Variants in JMJD1C observed in about 807,000 individuals in gnomAD.
JMJD1C encodes the protein jumonji domain containing 1C.
A neutral mutation model predicts 245.3 loss-of-function variants in JMJD1C; 31 were observed. The observed-to-expected ratio is 0.13, with a 90% CI of 0.09 to 0.17. The LOEUF (loss-of-function observed/expected upper bound fraction) is 0.17, where lower values mean the gene tolerates loss of function less well. Among genes scored for constraint, JMJD1C ranks in the 10% least tolerant of loss-of-function variants. The pLI is 1.00. For missense variants in JMJD1C, 2,691 were observed against 3,000.2 expected, an observed-to-expected ratio of 0.90 and a Z score of 2.41; for synonymous variants, 1,057 against 1,017.4, an observed-to-expected ratio of 1.04 and a Z score of -0.74.
intron 1 of JMJD1C, among the ~76,000 whole-genome samples, chr10:63,398,899 G>A (rs1197443828): frequency 6.6e-6 from 1 of 152,142 alleles, no homozygotes; most frequent in East Asian, 1.9e-4. Context: ...CACATGCTTT[G>A]GCCTCCCAAA....
intron 3 of JMJD1C, among the ~76,000 whole-genome samples, chr10:63,238,006 TAAAAAA>T (rs35736445): frequency 1.8e-4 from 5 of 27,602 alleles, no homozygotes; most frequent in African/African-American, 6.5e-4. Flanking sequence ...CCGTCTCTAC[TAAAAAA>T]AAAAAAAAAA....
intron 8 of JMJD1C, among the ~76,000 whole-genome samples, chr10:63,210,742 T>A (rs1260230165): frequency 6.6e-6 from 1 of 152,174 alleles, no homozygotes; most frequent in African/African-American, 2.4e-5. Context: ...AATAGAAACC[T>A]TGAATTAATA....
intron 24 of JMJD1C, among the ~76,000 whole-genome samples, chr10:63,174,611 AT>A (rs1212775866): frequency 1.3e-5 from 2 of 152,182 alleles, no homozygotes; most frequent in Non-Finnish European, 2.9e-5. Context: ...AGGCAGACAG[AT>A]TACCTGAAGT....
chr10:63,296,407 A>G (rs573684962), intron 2 of JMJD1C, among the ~76,000 whole-genome samples: 2 of 152,300 alleles, frequency 1.3e-5, no homozygotes, highest in African/African-American at 4.8e-5. Flanking sequence ...CACAAAAGGC[A>G]TATCATCACA....
chr10:63,248,837 A>G (rs1023923510), intron 3 of JMJD1C, among the ~76,000 whole-genome samples: 57 of 152,364 alleles, frequency 3.7e-4, no homozygotes, highest in African/African-American at 1.3e-3. Context: ...AGTGCTCATC[A>G]ATGGACGAAT....
chr10:63,451,339 CAG>C (rs1399212684), intron 1 of JMJD1C, among the ~76,000 whole-genome samples: 1 of 152,150 alleles, frequency 6.6e-6, no homozygotes, highest in Non-Finnish European at 1.5e-5. Flanking sequence ...TGAAAAAGAA[CAG>C]AGTTGAATAA....
intron 2 of JMJD1C, 63 bp from the exon 3 acceptor site, chr10:63,264,827 A>T: frequency 1.3e-6 from 1 of 740,900 alleles, no homozygotes; most frequent in South Asian, 1.5e-5. Context: ...ATTATGAAGG[A>T]ACACACACCA....
At chr10:63,309,964 G>A (rs899284004) in intron 2 of JMJD1C, among the ~76,000 whole-genome samples, 15 of 152,022 alleles carry the variant, frequency 9.9e-5, no homozygotes, top group African/African-American at 3.6e-4. Flanking sequence ...ATTTAAAAGA[G>A]TTCAGCAAGC....
At chr10:63,433,445 C>T (rs1950887470) in intron 1 of JMJD1C, among the ~76,000 whole-genome samples, 1 of 152,114 alleles carries the variant, frequency 6.6e-6, no homozygotes, top group African/African-American at 2.4e-5. Context: ...AAAATAGCAG[C>T]AATGGCTTAA....
chr10:63,433,096 A>AT (rs57311354), intron 1 of JMJD1C, among the ~76,000 whole-genome samples: 2,955 of 146,028 alleles, frequency 0.02, 62 homozygotes, highest in African/African-American at 0.055. Flanking sequence ...TATTATTATC[A>AT]TTTTTTTTTT....
At chr10:63,510,151 C>A (rs1954832542) in intron 1 of JMJD1C, among the ~76,000 whole-genome samples, 1 of 151,780 alleles carries the variant, frequency 6.6e-6, no homozygotes, top group Non-Finnish European at 1.5e-5. Flanking sequence ...CTACAGGCAC[C>A]CACCACCACG....
At chr10:63,221,492 C>G (rs1030464154) in intron 3 of JMJD1C, among the ~76,000 whole-genome samples, 3 of 152,088 alleles carry the variant, frequency 2.0e-5, no homozygotes, top group African/African-American at 7.2e-5. Flanking sequence ...GAAGAAAATA[C>G]CAGAATGAAA....
At chr10:63,231,451 T>C (rs1170979181) in intron 3 of JMJD1C, among the ~76,000 whole-genome samples, 1 of 152,160 alleles carries the variant, frequency 6.6e-6, no homozygotes, top group Non-Finnish European at 1.5e-5. Context: ...CCGAGATCTG[T>C]ATGGAATCAA....
At chr10:63,268,382 C>A (rs1458004107) in intron 2 of JMJD1C, among the ~76,000 whole-genome samples, 1 of 151,984 alleles carries the variant, frequency 6.6e-6, no homozygotes, top group African/African-American at 2.4e-5. Flanking sequence ...AAAACAAATA[C>A]CCCCACTTTC....
chr10:63,228,751 G>A (rs553110790), intron 3 of JMJD1C, among the ~76,000 whole-genome samples: 101 of 152,196 alleles, frequency 6.6e-4, no homozygotes, highest in African/African-American at 2.2e-3. Context: ...ACAATCAGGA[G>A]CACAGGAAAT....
intron 2 of JMJD1C, among the ~76,000 whole-genome samples, chr10:63,280,863 T>G (rs915840641): frequency 9.9e-5 from 15 of 152,072 alleles, no homozygotes; most frequent in African/African-American, 3.6e-4. Context: ...CATTTTAAAC[T>G]TCATAAAGTA....
chr10:63,519,565 G>A (rs906003326), intron 1 of JMJD1C, among the ~76,000 whole-genome samples: 2 of 152,166 alleles, frequency 1.3e-5, no homozygotes, highest in African/African-American at 4.8e-5. Context: ...CATGGTAGAG[G>A]CAGAATGACA....
At chr10:63,191,755 C>G (rs1844831314) in intron 16 of JMJD1C, among the ~76,000 whole-genome samples, 3 of 151,944 alleles carry the variant, frequency 2.0e-5, no homozygotes, top group Admixed American at 6.6e-5. Flanking sequence ...GAGGCTGAGG[C>G]AGGCGGATCA....
intron 1 of JMJD1C, among the ~76,000 whole-genome samples, chr10:63,490,279 G>A (rs551211045): frequency 4.5e-4 from 69 of 151,980 alleles, no homozygotes; most frequent in Non-Finnish European, 9.0e-4. Context: ...CAATTTTTAG[G>A]CCTCAGCTCA....
Sources: gnomAD v4.1 joint callset for allele counts (sites outside exome capture counted in the v4.1 genomes callset) on GRCh38, gnomAD v4.1.1 for gene constraint, MANE v1.5 for transcripts, NCBI Gene and HGNC (gene_info 2026-07-23, HGNC 2026-07-21) for gene names.